Variants in GRID1 observed in about 807,000 individuals in gnomAD.
GRID1 encodes the protein glutamate ionotropic receptor delta type subunit 1, also known as glutamate receptor ionotropic, delta-1.
Under a neutral mutation model 98.0 loss-of-function variants are expected in GRID1, and 28 were observed. That is an observed-to-expected ratio of 0.29 (90% CI 0.21 to 0.39). The LOEUF (loss-of-function observed/expected upper bound fraction) is 0.39. Among genes scored for constraint, GRID1 ranks in the 10% least tolerant of loss-of-function variants. The pLI, the probability that GRID1 is intolerant of heterozygous loss-of-function variation, is 1.00. For missense variants in GRID1, 1,111 were observed against 1,340.5 expected (o/e 0.83, Z 2.67); for synonymous variants, 553 against 538.5 (o/e 1.03, Z -0.37).
rs148278306 is a variant in GRID1, at chr10:85,838,802, T to C, written c.1233+15694A>G. ...AGATCAAATCCACACATATCAATAA[T>C]AACCTTAAATATAAATGATCTAAAT... is the stretch of plus-strand genomic sequence containing the variant. On this transcript the variant is annotated intron_variant, in intron 8 of 15. Transcript: ENST00000327946. Among the ~76,000 whole-genome samples, 5 of 152,138 alleles carry C rather than the reference T, an allele frequency of 3.3e-5. No homozygotes were observed. The East Asian group carries it at 9.7e-4, about 29-fold the overall frequency.
At chr10:85,755,040 G>A (rs1019374884) in intron 8 of GRID1, among the ~76,000 whole-genome samples, 28 of 152,112 alleles carry the variant, frequency 1.8e-4, no homozygotes, top group African/African-American at 6.5e-4. Context: ...GAAGCAGCCC[G>A]ATCATGAGCC....
Position 85,613,628 on chromosome 10 carries a change from T to G in GRID1, c.2380A>C (p.Thr794Pro). The change falls in exon 15 of 16, where the codon ACA becomes CCA. Residue 794 changes from threonine to proline, a missense_variant. Coordinates refer to ENST00000327946, the MANE Select transcript of GRID1 (RefSeq NM_017551.3). The stretch of plus-strand genomic sequence containing the variant: ...TGCTTCAGCACATCCAGGTCCCCTG[T>G]GTCCTGCAGCTCCAGGATCCTGTAA... The part of the protein sequence containing the change: ...FSQRILELQD[T>P]GDLDVLKQKW... 6.2e-7 allele frequency: 1 copy of G among 1,613,866 alleles called. No homozygotes were observed. Among genetic ancestry groups the G allele is most frequent in the Non-Finnish European group, 8.5e-7 (1 of 1,179,792 alleles).
intron 2 of GRID1, among the ~76,000 whole-genome samples, chr10:86,301,948 C>T (rs1268490594): frequency 6.6e-6 from 1 of 152,328 alleles, no homozygotes; most frequent in East Asian, 1.9e-4. Flanking sequence ...GCTATATTTG[C>T]ACCCCCAAAA....
chr10:85,934,304 T>C (rs191574798), intron 4 of GRID1, among the ~76,000 whole-genome samples: 18 of 152,034 alleles, frequency 1.2e-4, no homozygotes, highest in Admixed American at 5.2e-4. Flanking sequence ...GCAAAACATC[T>C]CCTTGCCCTC....
chr10:85,831,682 C>T (rs1842868570), intron 8 of GRID1, among the ~76,000 whole-genome samples: 1 of 151,970 alleles, frequency 6.6e-6, no homozygotes, highest in Non-Finnish European at 1.5e-5. Context: ...AACTTCTATG[C>T]TTGGAAAATA....
At chr10:85,790,096 C>T (rs886266872) in intron 8 of GRID1, among the ~76,000 whole-genome samples, 2 of 152,182 alleles carry the variant, frequency 1.3e-5, no homozygotes, top group Non-Finnish European at 2.9e-5. Flanking sequence ...AGGCTGGGAC[C>T]ACTGCTGCAT....
chr10:85,713,598 C>G (rs557056914), intron 12 of GRID1, among the ~76,000 whole-genome samples: 1 of 146,398 alleles, frequency 6.8e-6, no homozygotes, highest in East Asian at 2.0e-4. Context: ...AAATCTTCAA[C>G]AAAATGCTAA....
In GRID1 at chr10:86,168,807, C is replaced by A. The variant is rs145465142; in HGVS notation, c.521-29783G>T. ...TAACTCACCCACTTACCCTGGGGGA[C>A]AGGGCAGGGCAAAGACCCAAGGCAG... On this transcript the variant is annotated intron_variant, in intron 3 of 15. Coordinates refer to ENST00000327946, the MANE Select transcript of GRID1 (RefSeq NM_017551.3). Among the ~76,000 whole-genome samples the A allele has an allele frequency of 1.5e-3, 226 of 152,268 alleles. 1 individual carries two copies. The highest frequency in any genetic ancestry group is 5.2e-3 in the African/African-American group (218 of 41,560).
intron 2 of GRID1, among the ~76,000 whole-genome samples, chr10:86,321,881 C>A (rs1847975774): frequency 6.6e-6 from 1 of 152,098 alleles, no homozygotes; most frequent in African/African-American, 2.4e-5. Context: ...ACAGATAGGA[C>A]AACAGAAACC....
intron 12 of GRID1, among the ~76,000 whole-genome samples, chr10:85,718,567 G>A (rs968025397): frequency 1.3e-5 from 2 of 152,240 alleles, no homozygotes; most frequent in African/African-American, 4.8e-5. Context: ...TCAACACCAC[G>A]TGAAAGCTGC....
chr10:86,227,136 G>A (rs183463970), intron 2 of GRID1, among the ~76,000 whole-genome samples: 5 of 152,368 alleles, frequency 3.3e-5, no homozygotes, highest in South Asian at 2.1e-4. Context: ...CTCTACCAGG[G>A]CAGCTTCCCA....
At chr10:86,233,684 T>C (rs1423724000) in intron 2 of GRID1, among the ~76,000 whole-genome samples, 3 of 152,258 alleles carry the variant, frequency 2.0e-5, no homozygotes, top group Middle Eastern at 3.4e-3. Context: ...TAGACTTACA[T>C]GATACCACAT....
chr10:86,076,637 T>C (rs957506445), intron 4 of GRID1, among the ~76,000 whole-genome samples: 6 of 152,176 alleles, frequency 3.9e-5, no homozygotes, highest in Non-Finnish European at 8.8e-5. Context: ...TCAAAGGCAG[T>C]CCTCCGGCCA....
chr10:85,853,994 T>A (rs1171343687), intron 8 of GRID1, among the ~76,000 whole-genome samples: 1 of 152,160 alleles, frequency 6.6e-6, no homozygotes, highest in Non-Finnish European at 1.5e-5. Flanking sequence ...GTTGTTCAAC[T>A]CCTCTGTCTC....
At chr10:85,607,584 G>A (rs1468150788) in intron 15 of GRID1, among the ~76,000 whole-genome samples, 1 of 152,172 alleles carries the variant, frequency 6.6e-6, no homozygotes, top group Non-Finnish European at 1.5e-5. Flanking sequence ...AAAGCATCAG[G>A]AGAAAGAGTT....
intron 13 of GRID1, among the ~76,000 whole-genome samples, chr10:85,626,619 T>G (rs987346066): frequency 6.6e-6 from 1 of 152,216 alleles, no homozygotes; most frequent in African/African-American, 2.4e-5. Context: ...ATTTTGCCTC[T>G]GCTTGCAGCC....
At position 85,849,309 on chromosome 10, in the gene GRID1, C is replaced by G. The variant is rs766053042; in HGVS notation, c.1233+5187G>C. Among the ~76,000 whole-genome samples, 35 of 152,194 alleles carry G rather than the reference C, an allele frequency of 2.3e-4. 1 individual carries two copies. Among genetic ancestry groups the G allele is most frequent in the Non-Finnish European group, 4.3e-4 (29 of 68,040 alleles). ...GAGCAGTTATTACTCAGTGAATTAT[C>G]AGCAGACACAAGGCTCTCCCAGGGA... On this transcript the variant is annotated intron_variant, in intron 8 of 15. Coordinates refer to ENST00000327946, the MANE Select transcript of GRID1 (RefSeq NM_017551.3).
At chr10:86,329,238 A>ATGCTGCC (rs1848102491) in intron 2 of GRID1, among the ~76,000 whole-genome samples, 2 of 152,208 alleles carry the variant, frequency 1.3e-5, no homozygotes, top group Non-Finnish European at 2.9e-5. Flanking sequence ...ACAGACATGC[A>ATGCTGCC]TGCTGCCTGC....
Position 85,635,682 on chromosome 10 carries a change from G to C in GRID1, c.2193+11520C>G, listed in dbSNP as rs1312523071. Among the ~76,000 whole-genome samples, 4 of 152,336 alleles carry C rather than the reference G, an allele frequency of 2.6e-5. No homozygotes were observed. The East Asian group carries it at 7.7e-4, about 29-fold the overall frequency. The stretch of plus-strand genomic sequence containing the variant: ...CCCCAAGTCTAGCAGGGCTGTGACA[G>C]AGCAGGGCACTGAGGGTTGGATGGC... On this transcript the variant is annotated intron_variant, in intron 13 of 15. Transcript: ENST00000327946.
Sources: gnomAD v4.1 joint callset for allele counts (sites outside exome capture counted in the v4.1 genomes callset) on GRCh38, gnomAD v4.1.1 for gene constraint, MANE v1.5 for transcripts, NCBI Gene and HGNC (gene_info 2026-07-23, HGNC 2026-07-21) for gene names.